GATAD2B: variants seen among roughly 807,000 people sequenced by gnomAD.
GATAD2B encodes transcriptional repressor p66-beta.
In GATAD2B, 8 loss-of-function variants were observed where a neutral mutation model predicts 64.3. The observed-to-expected ratio is 0.12, with a 90% CI of 0.07 to 0.22. The LOEUF (loss-of-function observed/expected upper bound fraction) is 0.22. GATAD2B is among the 10% of genes least tolerant of loss of function. The pLI is 1.00. For missense variants in GATAD2B, 453 were observed against 752.0 expected, an observed-to-expected ratio of 0.60 and a Z score of 4.65; for synonymous variants, 281 against 271.3, an observed-to-expected ratio of 1.04 and a Z score of -0.35.
chr1:153,893,091 A>C (rs1677472078), intron 1 of GATAD2B, among the ~76,000 whole-genome samples: 4 of 152,084 alleles, frequency 2.6e-5, no homozygotes, highest in Admixed American at 2.6e-4. Context: ...AAGAGGAAAA[A>C]CTTGTCTGGT....
intron 1 of GATAD2B, among the ~76,000 whole-genome samples, chr1:153,909,471 A>T (rs557008949): frequency 6.6e-6 from 1 of 151,764 alleles, no homozygotes; most frequent in African/African-American, 2.4e-5. Context: ...AAGTGCTGGG[A>T]TTACAGGCGT....
intron 2 of GATAD2B, among the ~76,000 whole-genome samples, chr1:153,820,921 G>A (rs934630486): frequency 1.1e-4 from 17 of 148,670 alleles, no homozygotes; most frequent in Non-Finnish European, 1.9e-4. Flanking sequence ...ATCACAGATC[G>A]CTAGCTGTCC....
chr1:153,835,219 C>A (rs573361623), intron 1 of GATAD2B, among the ~76,000 whole-genome samples: 2 of 152,268 alleles, frequency 1.3e-5, no homozygotes, highest in East Asian at 3.9e-4. Flanking sequence ...TGGTAAGATG[C>A]TGTGAACACT....
At chr1:153,815,081 CAAAAAAAAAAAAAA>C (rs58874063) in intron 7 of GATAD2B, among the ~76,000 whole-genome samples, 133 of 25,390 alleles carry the variant, frequency 5.2e-3, no homozygotes, top group Non-Finnish European at 7.1e-3. Context: ...GACTCTGTCT[CAAAAAAAAAAAAAA>C]AAAAAAAAAA....
intron 1 of GATAD2B, chr1:153,922,139 G>A (rs1571016207): frequency 6.6e-6 from 1 of 152,144 alleles, no homozygotes; most frequent in Non-Finnish European, 1.5e-5. Flanking sequence ...GTAAGGTTAT[G>A]CGCTCCTGAT....
chr1:153,850,188 C>G (rs1040640846), intron 1 of GATAD2B, among the ~76,000 whole-genome samples: 2 of 152,126 alleles, frequency 1.3e-5, no homozygotes, highest in Non-Finnish European at 2.9e-5. Context: ...GCTGGTTACC[C>G]CAAGGGTATT....
intron 1 of GATAD2B, among the ~76,000 whole-genome samples, chr1:153,829,197 C>G (rs899143341): frequency 6.6e-6 from 1 of 152,056 alleles, no homozygotes; most frequent in Non-Finnish European, 1.5e-5. Flanking sequence ...CAGCGAGGCT[C>G]TCTCTCCAGG....
Position 153,819,678 on chromosome 1 carries a change from A to G in GATAD2B, c.393T>C (p.Asn131=). 1 of 1,611,268 alleles carries G rather than the reference A, an allele frequency of 6.2e-7. No homozygotes were observed. Among genetic ancestry groups the G allele is most frequent in the Non-Finnish European group, 8.5e-7 (1 of 1,178,168 alleles). Reference sequence around the variant, plus strand: ...AACTGGAACGGGGACTGGAAGCCTCATTGTCAGACAAAACAATGATGTCTG... The same window carrying G: ...AACTGGAACGGGGACTGGAAGCCTCGTTGTCAGACAAAACAATGATGTCTG... ...PSPDIIVLSD[N]EASSPRSSSR... is the part of the protein sequence containing the mutation. Residue 131 remains asparagine, a synonymous_variant, in exon 3 of 11, where the codon AAT becomes AAC. Transcript: ENST00000368655.
At chr1:153,819,964 G>A (rs569119956) in intron 2 of GATAD2B, among the ~76,000 whole-genome samples, 2 of 152,094 alleles carry the variant, frequency 1.3e-5, no homozygotes, top group Non-Finnish European at 2.9e-5. Flanking sequence ...TGCGCATGGC[G>A]GCGCGCACCT....
At chr1:153,819,019 C>A (rs1413730262) in intron 3 of GATAD2B, 97 bp from the exon 4 acceptor site, 3 of 1,261,874 alleles carry the variant, frequency 2.4e-6, no homozygotes, top group Non-Finnish European at 3.3e-6. Flanking sequence ...AAACCTTCAT[C>A]TTCCACAAGA....
intron 1 of GATAD2B, among the ~76,000 whole-genome samples, chr1:153,876,414 A>G (rs1372688218): frequency 6.6e-6 from 1 of 152,114 alleles, no homozygotes; most frequent in Non-Finnish European, 1.5e-5. Flanking sequence ...ATGAAAGACT[A>G]TTACTGTTTA....
intron 1 of GATAD2B, among the ~76,000 whole-genome samples, chr1:153,833,705 G>A (rs1675155245): frequency 6.6e-6 from 1 of 151,612 alleles, no homozygotes; most frequent in South Asian, 2.1e-4. Context: ...AGCTACATGG[G>A]AGGGTGAGGC....
At chr1:153,877,937 C>G (rs1327796312) in intron 1 of GATAD2B, among the ~76,000 whole-genome samples, 2 of 150,704 alleles carry the variant, frequency 1.3e-5, no homozygotes, top group East Asian at 1.9e-4. Context: ...ACTAGGTAAT[C>G]CCACAACAAC....
intron 1 of GATAD2B, chr1:153,886,380 T>C (rs1677184495): frequency 6.6e-6 from 1 of 152,196 alleles, no homozygotes; most frequent in Admixed American, 6.6e-5. Context: ...TGTTTAAACA[T>C]ATCTAAACAT....
chr1:153,902,230 A>G (rs1006742117), intron 1 of GATAD2B, among the ~76,000 whole-genome samples: 1 of 152,150 alleles, frequency 6.6e-6, no homozygotes, highest in Non-Finnish European at 1.5e-5. Context: ...GCGGTGAGCC[A>G]AGATTGCGCC....
At chr1:153,886,465 T>C (rs1051468411) in intron 1 of GATAD2B, 1 of 152,026 alleles carries the variant, frequency 6.6e-6, no homozygotes, top group Non-Finnish European at 1.5e-5. Flanking sequence ...TGTATATCCT[T>C]GGACTCAGCA....
chr1:153,861,809 T>TATATATATATACACAC (rs1294838675), intron 1 of GATAD2B, among the ~76,000 whole-genome samples: 5 of 122,180 alleles, frequency 4.1e-5, no homozygotes, highest in African/African-American at 1.5e-4. Context: ...TATATATATA[T>TATATATATATACACAC]ACACATATGT....
At chr1:153,819,786 C>G in intron 2 of GATAD2B, 51 bp from the exon 3 acceptor site, 1 of 1,533,834 alleles carries the variant, frequency 6.5e-7, no homozygotes, top group African/African-American at 1.4e-5. Flanking sequence ...GTTAAGAAAA[C>G]TTCTATGCTG....
chr1:153,841,143 A>G (rs1484171932), intron 1 of GATAD2B, among the ~76,000 whole-genome samples: 5 of 150,098 alleles, frequency 3.3e-5, no homozygotes, highest in East Asian at 3.9e-4. Flanking sequence ...AAAAAAAAAG[A>G]AAAAAAGAAA....
Sources: allele counts gnomAD v4.1 joint callset (sites outside exome capture counted in the v4.1 genomes callset), GRCh38; gene constraint gnomAD v4.1.1; transcripts MANE v1.5; gene names NCBI Gene and HGNC (gene_info 2026-07-23, HGNC 2026-07-21).